Variants in GRAMD1B observed in about 807,000 individuals in gnomAD.
GRAMD1B encodes the protein protein Aster-B.
Under a neutral mutation model 99.7 loss-of-function variants are expected in GRAMD1B, and 37 were observed. That is an observed-to-expected ratio of 0.37 (90% CI 0.29 to 0.49). The LOEUF (loss-of-function observed/expected upper bound fraction) is 0.49, where lower values mean the gene tolerates loss of function less well. Among genes scored for constraint, GRAMD1B ranks in the 20% least tolerant of loss-of-function variants. GRAMD1B has a pLI of 0.98. For synonymous variants in GRAMD1B, 427 were observed against 387.6 expected (o/e 1.10, Z -1.19); for missense variants, 888 against 1,009.2 (o/e 0.88, Z 1.63).
intron 2 of GRAMD1B, 124 bp downstream of exon 2, chr11:123,481,017 G>A (rs373219615): frequency 2.9e-4 from 115 of 396,154 alleles, no homozygotes; most frequent in African/African-American, 1.5e-3. Flanking sequence ...GAATGGGAGC[G>A]CCTGAGACCT....
intron 1 of GRAMD1B, among the ~76,000 whole-genome samples, chr11:123,383,586 G>GCTGT (rs1295283370): frequency 2.6e-5 from 4 of 151,998 alleles, no homozygotes; most frequent in Non-Finnish European, 4.4e-5. Context: ...CACCACCTGG[G>GCTGT]CTGTCGGTCA....
At chr11:123,622,230 C>T (rs1192547447) in intron 19 of GRAMD1B, among the ~76,000 whole-genome samples, 1 of 152,090 alleles carries the variant, frequency 6.6e-6, no homozygotes, top group East Asian at 1.9e-4. Flanking sequence ...TCTGTGTTGC[C>T]CAGGTTGGTC....
intron 1 of GRAMD1B, among the ~76,000 whole-genome samples, chr11:123,438,140 A>G (rs1949247694): frequency 6.6e-6 from 1 of 152,188 alleles, no homozygotes; most frequent in South Asian, 2.1e-4. Flanking sequence ...CTTTGTGCCA[A>G]GTTTTCTGCC....
rs538512629 is a variant in GRAMD1B, at chr11:123,402,681, T to G, written c.-176+43882T>G. Among the ~76,000 whole-genome samples, 18 of 152,294 alleles carry G rather than the reference T, an allele frequency of 1.2e-4. No homozygotes were observed. In the South Asian group the frequency reaches 1.7e-3, roughly 14 times the overall value. ...ACTTTCTGCTCTCTTTCCTCCTCAT[T>G]GCCTCCCAAGTGACCTCACAATTGT... On this transcript the variant is annotated intron_variant, in intron 1 of 20. Coordinates refer to the GRAMD1B transcript ENST00000638157.
intron 1 of GRAMD1B, among the ~76,000 whole-genome samples, chr11:123,422,795 G>T (rs1190245608): frequency 1.3e-5 from 2 of 152,116 alleles, no homozygotes; most frequent in African/African-American, 4.8e-5. Flanking sequence ...CTCTGCTCAC[G>T]TTCAAACCTT....
At chr11:123,538,376 T>A (rs961251646) in intron 2 of GRAMD1B, among the ~76,000 whole-genome samples, 1 of 152,152 alleles carries the variant, frequency 6.6e-6, no homozygotes, top group Non-Finnish European at 1.5e-5. Flanking sequence ...CCTGACTGAT[T>A]TCCCCTTTTG....
In GRAMD1B at chr11:123,624,633, G is replaced by A. The variant is rs1173435993; in HGVS notation, c.*2038G>A. On this transcript the variant is annotated 3_prime_UTR_variant, in exon 20 of 20. Transcript: ENST00000635736. ...GGCTCATGGGCTCTGAGCCAAAGAA[G>A]GAGGCATGGTGCAGACTGCTGGAAA... 6.6e-6 allele frequency: 1 copy of A among 152,206 alleles called. No individual in the cohort carries two copies. The highest frequency in any genetic ancestry group is 1.5e-5 in the Non-Finnish European group (1 of 68,038). 9.4% of individuals were successfully genotyped at this position (152,206 alleles called of 1,614,324 possible). A position where few individuals can be genotyped will look rare whatever the true frequency, so the allele number is the denominator to read the frequency against.
intron 1 of GRAMD1B, among the ~76,000 whole-genome samples, chr11:123,401,555 C>T (rs1456410741): frequency 6.6e-6 from 1 of 152,208 alleles, no homozygotes; most frequent in Non-Finnish European, 1.5e-5. Context: ...CTGTAAGAGG[C>T]TCCTCCATCT....
chr11:123,386,797 T>C (rs1178674967), intron 1 of GRAMD1B, among the ~76,000 whole-genome samples: 1 of 152,224 alleles, frequency 6.6e-6, no homozygotes, highest in East Asian at 1.9e-4. Context: ...CAGTCCCCAC[T>C]GGCCACAGTG....
chr11:123,596,714 G>T (rs1951319132), intron 7 of GRAMD1B, among the ~76,000 whole-genome samples: 1 of 152,180 alleles, frequency 6.6e-6, no homozygotes, highest in South Asian at 2.1e-4. Flanking sequence ...TGTTGTTGTT[G>T]TTTTTTGCTT....
upstream of GRAMD1B, among the ~76,000 whole-genome samples, chr11:123,426,206 G>A (rs551112928): frequency 2.4e-4 from 36 of 152,254 alleles, no homozygotes; most frequent in Non-Finnish European, 4.9e-4. Context: ...AGGGTGGGCT[G>A]GGCCTTTAAG....
intron 1 of GRAMD1B, among the ~76,000 whole-genome samples, chr11:123,450,256 G>A (rs975705618): frequency 2.2e-4 from 34 of 152,190 alleles, no homozygotes; most frequent in African/African-American, 5.1e-4. Context: ...TTTTGGAGCT[G>A]TGGTTGCCAT....
intron 2 of GRAMD1B, among the ~76,000 whole-genome samples, chr11:123,575,952 C>T (rs546721554): frequency 6.6e-5 from 10 of 152,124 alleles, no homozygotes; most frequent in African/African-American, 4.8e-5. Context: ...TTTCTCCATA[C>T]ATATTTGGGG....
At chr11:123,486,564 A>AAAAAAAAG (rs779982778) in intron 2 of GRAMD1B, among the ~76,000 whole-genome samples, 37 of 147,710 alleles carry the variant, frequency 2.5e-4, no homozygotes, top group African/African-American at 6.1e-4. Context: ...GAAAAAAAAA[A>AAAAAAAAG]AAAAACAAAA....
chr11:123,374,438 G>A (rs1283724729), intron 1 of GRAMD1B, among the ~76,000 whole-genome samples: 7 of 152,108 alleles, frequency 4.6e-5, no homozygotes, highest in Non-Finnish European at 8.8e-5. Context: ...TCTCAAACAT[G>A]GGTATCATTA....
intron 4 of GRAMD1B, among the ~76,000 whole-genome samples, chr11:123,592,637 T>C (rs1233015600): frequency 6.6e-6 from 1 of 152,194 alleles, no homozygotes. Flanking sequence ...TGATTCCATA[T>C]CTCAGTGCCA....
At chr11:123,442,037 C>G (rs1013889846) in intron 1 of GRAMD1B, among the ~76,000 whole-genome samples, 5 of 152,154 alleles carry the variant, frequency 3.3e-5, no homozygotes, top group African/African-American at 1.2e-4. Context: ...TTCTCACAGT[C>G]AACACAGAAC....
At chr11:123,393,613 A>G (rs994920125) in intron 1 of GRAMD1B, among the ~76,000 whole-genome samples, 4 of 152,240 alleles carry the variant, frequency 2.6e-5, no homozygotes, top group African/African-American at 9.6e-5. Context: ...GAACCCTAAG[A>G]ACATGTTAGC....
In GRAMD1B at chr11:123,609,782, C is replaced by G. The variant is rs1170220934; in HGVS notation, c.1658-13C>G. On this transcript the variant is annotated splice_polypyrimidine_tract_variant and intron_variant, in intron 12 of 19. Coordinates refer to ENST00000635736, the MANE Select transcript of GRAMD1B (RefSeq NM_001387025.1). Reference sequence around the variant, plus strand: ...CCTCCCTTCCTCATTCCAGGGCTCTCCTCTACCCTTAGATATCATCTTCCA... The same window carrying G: ...CCTCCCTTCCTCATTCCAGGGCTCTGCTCTACCCTTAGATATCATCTTCCA... 6.9e-7 allele frequency: 1 copy of G among 1,444,670 alleles called. No homozygotes were observed. The highest frequency in any genetic ancestry group is 9.6e-7 in the Non-Finnish European group (1 of 1,040,574). The allele number at this position is 1,444,670 out of a possible 1,614,324, so 89.5% of individuals were successfully genotyped here. A position where few individuals can be genotyped will look rare whatever the true frequency, so the allele number is the denominator to read the frequency against.
Sources: allele counts gnomAD v4.1 joint callset (sites outside exome capture counted in the v4.1 genomes callset), GRCh38; gene constraint gnomAD v4.1.1; transcripts MANE v1.5; gene names NCBI Gene and HGNC (gene_info 2026-07-23, HGNC 2026-07-21).